Variants in PEX7 observed in about 807,000 individuals in gnomAD.
The protein encoded by PEX7 is peroxisomal biogenesis factor 7, also known as PTS2 receptor.
Under a neutral mutation model 47.5 loss-of-function variants are expected in PEX7, and 34 were observed. That is an observed-to-expected ratio of 0.72 (90% confidence interval 0.54 to 0.95). The LOEUF is 0.95. Among genes scored for constraint, PEX7 ranks in the 40% least tolerant of loss-of-function variants. PEX7 has a pLI of 0.00. For missense variants in PEX7, 394 were observed against 400.3 expected (o/e 0.98, Z 0.13); for synonymous variants, 141 against 148.8 (o/e 0.95, Z 0.38).
intron 6 of PEX7, 90 bp from the exon 7 acceptor site, chr6:136,869,800 C>T: frequency 1.1e-6 from 1 of 939,124 alleles, no homozygotes; most frequent in Non-Finnish European, 1.8e-6. Context: ...AAATAGTTAT[C>T]AGAAAGCAGA....
At chr6:136,825,431 A>C (rs925300880) in intron 2 of PEX7, among the ~76,000 whole-genome samples, 160 bp downstream of exon 2, 1 of 152,168 alleles carries the variant, frequency 6.6e-6, no homozygotes, top group African/African-American at 2.4e-5. Flanking sequence ...GGTGGTGCGC[A>C]CCTGTAGTCC....
At chr6:136,866,565 CATT>C in intron 5 of PEX7, 59 bp from the exon 6 acceptor site, 1 of 1,332,192 alleles carries the variant, frequency 7.5e-7, no homozygotes, top group East Asian at 2.3e-5. Flanking sequence ...ATTGTGAACA[CATT>C]ATGTCACTGC....
At chr6:136,884,230 G>A (rs73777770) in intron 8 of PEX7, among the ~76,000 whole-genome samples, 7,141 of 152,194 alleles carry the variant, frequency 0.047, 605 homozygotes, top group African/African-American at 0.16. Flanking sequence ...ACCACTGATT[G>A]GAAAGGTCAG....
chr6:136,902,205 C>T (rs1775764507), intron 9 of PEX7, among the ~76,000 whole-genome samples: 1 of 152,180 alleles, frequency 6.6e-6, no homozygotes, highest in African/African-American at 2.4e-5. Context: ...GTATCTTTCT[C>T]TCACCTCTTA....
At chr6:136,894,720 T>C (rs1239096915) in intron 8 of PEX7, among the ~76,000 whole-genome samples, 2 of 152,212 alleles carry the variant, frequency 1.3e-5, no homozygotes, top group Admixed American at 1.3e-4. Flanking sequence ...TATTATGATA[T>C]ACAATTTAAA....
At chr6:136,866,319 C>T (rs552978973) in intron 5 of PEX7, among the ~76,000 whole-genome samples, 2 of 151,982 alleles carry the variant, frequency 1.3e-5, no homozygotes, top group East Asian at 1.9e-4. Context: ...TTTCCTAACA[C>T]GAGAATTTTC....
At position 136,845,695 on chromosome 6, in the gene PEX7, A is replaced by G. The variant is rs750532429; in HGVS notation, c.417+3A>G. ...CATGGGATCAAACTGTCAAATTGGTATGTTAGCATTATTGTATTCAAAAAC... is the reference window on the plus strand; with the variant it reads ...CATGGGATCAAACTGTCAAATTGGTGTGTTAGCATTATTGTATTCAAAAAC... On this transcript the variant is annotated splice_donor_region_variant and intron_variant, in intron 4 of 9. Transcript: ENST00000318471. The G allele has an allele frequency of 1.9e-6, 3 of 1,574,652 alleles. No individual in the cohort carries two copies. The highest frequency in any genetic ancestry group is 4.5e-5 in the East Asian group (2 of 44,692).
chr6:136,848,032 T>C (rs1051611785), intron 5 of PEX7, among the ~76,000 whole-genome samples: 26 of 152,328 alleles, frequency 1.7e-4, no homozygotes, highest in Middle Eastern at 3.4e-3. Context: ...GAGGAGTGGT[T>C]TGTAGTTCTC....
Position 136,866,676 on chromosome 6 carries a change from CG to C in PEX7, c.577del (p.Val193Ter). The C allele has an allele frequency of 6.2e-7, 1 of 1,613,972 alleles. No homozygotes were observed. The highest frequency in any genetic ancestry group is 8.5e-7 in the Non-Finnish European group (1 of 1,179,944). ...WDVKAAGVRIVIPAHQAEILS... is the reference protein window; with the variant it reads ...WDVKAAGVRIXIPAHQAEILS... ...ATGTGAAGGCAGCAGGAGTAAGAAT[CG>C]TGATTCCTGCACATCAGGCAGAAAT... is the stretch of plus-strand genomic sequence containing the variant. On this transcript the variant is annotated frameshift_variant, in exon 6 of 10. Coordinates refer to ENST00000318471, the MANE Select transcript of PEX7 (RefSeq NM_000288.4). LOFTEE classifies it high-confidence loss of function.
Position 136,900,047 on chromosome 6 carries a change from A to G in PEX7, c.903+1806A>G, listed in dbSNP as rs1254102448. Among the ~76,000 whole-genome samples, 2 of 152,336 alleles carry G rather than the reference A, an allele frequency of 1.3e-5. No individual in the cohort carries two copies. The highest frequency in any genetic ancestry group is 3.9e-4 in the East Asian group (2 of 5,186). ...ATATTTCTATTACCTGTCCTCTGTGAGCCCAGACTAGAACCTGTGGCAGCA... is the reference window on the plus strand; with the variant it reads ...ATATTTCTATTACCTGTCCTCTGTGGGCCCAGACTAGAACCTGTGGCAGCA... On this transcript the variant is annotated intron_variant, in intron 9 of 9. Coordinates refer to ENST00000318471, the MANE Select transcript of PEX7 (RefSeq NM_000288.4). This position sits in a 1 kb window ranked among gnomAD's most constrained non-coding sequence, Gnocchi z 4.2.
At chr6:136,857,768 A>G (rs1018818049) in intron 5 of PEX7, among the ~76,000 whole-genome samples, 3 of 152,200 alleles carry the variant, frequency 2.0e-5, no homozygotes, top group African/African-American at 7.2e-5. Flanking sequence ...TAAGTGGCTA[A>G]TGTGCATAAA....
intron 5 of PEX7, among the ~76,000 whole-genome samples, chr6:136,848,099 T>C (rs961937891): frequency 9.2e-5 from 14 of 152,176 alleles, no homozygotes; most frequent in Middle Eastern, 3.2e-3. Flanking sequence ...TTTATTCCCT[T>C]TGTAGCAATT....
intron 8 of PEX7, 114 bp downstream of exon 8, chr6:136,872,367 G>T: frequency 1.3e-6 from 1 of 789,592 alleles, no homozygotes; most frequent in Non-Finnish European, 2.1e-6. Flanking sequence ...AATCTGAGAT[G>T]GGTACATTTA....
intron 5 of PEX7, among the ~76,000 whole-genome samples, chr6:136,849,677 T>C (rs1363457003): frequency 6.6e-6 from 1 of 152,212 alleles, no homozygotes; most frequent in East Asian, 1.9e-4. Flanking sequence ...GTGAGTTTCT[T>C]AATCCTGAGT....
chr6:136,879,424 G>C (rs1364917486), intron 8 of PEX7, among the ~76,000 whole-genome samples: 1 of 152,066 alleles, frequency 6.6e-6, no homozygotes, highest in East Asian at 1.9e-4. Context: ...TTCTTTCTTT[G>C]AGGTTTTTGA....
At chr6:136,824,387 G>A (rs1582731525) in intron 1 of PEX7, among the ~76,000 whole-genome samples, 1 of 151,848 alleles carries the variant, frequency 6.6e-6, no homozygotes, top group East Asian at 1.9e-4. Flanking sequence ...TTTTATTTTT[G>A]TAGAGACAGG....
chr6:136,911,188 T>C (rs919416947), intron 9 of PEX7, among the ~76,000 whole-genome samples: 16 of 151,704 alleles, frequency 1.1e-4, no homozygotes, highest in African/African-American at 3.6e-4. Context: ...GTTCTGACTT[T>C]TTGTTTGTTT....
chr6:136,841,200 A>G (rs547796368), intron 3 of PEX7, among the ~76,000 whole-genome samples: 30 of 152,278 alleles, frequency 2.0e-4, no homozygotes, highest in Admixed American at 1.8e-3. Flanking sequence ...CTGTTTCTCA[A>G]ACATCTCTCT....
chr6:136,901,057 C>A, intron 9 of PEX7: 1 of 191,428 alleles, frequency 5.2e-6, no homozygotes, highest in South Asian at 1.2e-4. Context: ...TGCCAGAATT[C>A]TTAGGCCTTT....
Sources: gnomAD v4.1 joint callset for allele counts (sites outside exome capture counted in the v4.1 genomes callset) on GRCh38, gnomAD v4.1.1 for gene constraint, Gnocchi (gnomAD v3.1) non-coding constraint, MANE v1.5 for transcripts, NCBI Gene and HGNC (gene_info 2026-07-23, HGNC 2026-07-21) for gene names.